The following CNTNAP2 variants were observed in gnomAD, a reference collection of about 807,000 sequenced individuals.
The protein encoded by CNTNAP2 is contactin-associated protein-like 2.
CNTNAP2 carries 98 observed loss-of-function variants against 155.2 expected under a neutral mutation model. The ratio of observed to expected loss-of-function variants is 0.63; its 90% confidence interval spans 0.54 to 0.75. The LOEUF is 0.75. Ranked by LOEUF, CNTNAP2 falls within the 30% of genes least tolerant of loss-of-function variation. The pLI, the probability that CNTNAP2 is intolerant of heterozygous loss-of-function variation, is 0.00. For synonymous variants in CNTNAP2, 651 were observed against 631.2 expected, an observed-to-expected ratio of 1.03 and a Z score of -0.47; for missense variants, 1,727 against 1,688.1, an observed-to-expected ratio of 1.02 and a Z score of -0.40.
chr7:147,243,246 C>T (rs187735863), intron 8 of CNTNAP2, among the ~76,000 whole-genome samples: 404 of 151,984 alleles, frequency 2.7e-3, no homozygotes, highest in African/African-American at 9.1e-3. Context: ...TCCACCTGCC[C>T]TGGACTCCCA....
chr7:146,911,765 C>T (rs1385402469), intron 3 of CNTNAP2, among the ~76,000 whole-genome samples: 1 of 151,672 alleles, frequency 6.6e-6, no homozygotes, highest in Non-Finnish European at 1.5e-5. Flanking sequence ...ATGTAACTAA[C>T]CTGCACAATG....
intron 1 of CNTNAP2, among the ~76,000 whole-genome samples, chr7:146,610,984 C>A (rs1307692169): frequency 6.6e-6 from 1 of 152,088 alleles, no homozygotes; most frequent in Non-Finnish European, 1.5e-5. Flanking sequence ...AAATTTAAAA[C>A]AAGCTAAAAG....
At chr7:146,215,519 C>A (rs142561449) in intron 1 of CNTNAP2, among the ~76,000 whole-genome samples, 1 of 151,936 alleles carries the variant, frequency 6.6e-6, no homozygotes, top group Non-Finnish European at 1.5e-5. Context: ...GACAAAATTG[C>A]CATTTTATGG....
intron 14 of CNTNAP2, among the ~76,000 whole-genome samples, chr7:147,949,458 A>ATATATATATATATATATATATTTT (rs1433579404): frequency 1.5e-5 from 2 of 137,388 alleles, no homozygotes; most frequent in Non-Finnish European, 3.1e-5. Flanking sequence ...ATATATATAT[A>ATATATATATATATATATATATTTT]TTTTTTTTTT....
chr7:147,364,588 C>A (rs973650590), intron 9 of CNTNAP2, among the ~76,000 whole-genome samples: 36 of 152,220 alleles, frequency 2.4e-4, no homozygotes, highest in Admixed American at 1.3e-4. Context: ...TATTTCACTT[C>A]TTTAAGTTCT....
At chr7:147,282,311 A>T (rs960778244) in intron 8 of CNTNAP2, among the ~76,000 whole-genome samples, 4 of 151,938 alleles carry the variant, frequency 2.6e-5, no homozygotes, top group Admixed American at 6.6e-5. Flanking sequence ...ATGTATATTT[A>T]GTTTTTCAAA....
At chr7:148,214,821 G>A (rs1795608709) in intron 18 of CNTNAP2, among the ~76,000 whole-genome samples, 2 of 152,042 alleles carry the variant, frequency 1.3e-5, no homozygotes, top group South Asian at 2.1e-4. Flanking sequence ...CGCCAGCCTC[G>A]ACCTACCAAA....
intron 20 of CNTNAP2, among the ~76,000 whole-genome samples, chr7:148,265,712 T>A (rs1796657289): frequency 6.6e-6 from 1 of 152,248 alleles, no homozygotes; most frequent in South Asian, 2.1e-4. Context: ...CACAAAAACC[T>A]ACTGTACCAG....
intron 1 of CNTNAP2, among the ~76,000 whole-genome samples, chr7:146,368,443 T>C (rs1440950891): frequency 6.6e-6 from 1 of 152,136 alleles, no homozygotes; most frequent in East Asian, 1.9e-4. Context: ...TGGTATGGTA[T>C]GGTTTGGTAC....
chr7:148,048,175 C>A lies in CNTNAP2; in HGVS notation c.2384-69943C>A, dbSNP rs188818081. Among the ~76,000 whole-genome samples, 1,351 of 151,748 alleles carry A rather than the reference C, an allele frequency of 8.9e-3. 23 individuals carry two copies. The highest frequency in any genetic ancestry group is 0.03 in the African/African-American group (1,247 of 41,366). ...TCCTGACCTCGTGATCCGCCCGCCT[C>A]GGCCTCCCAAAGTGCTGGGATTACA... On this transcript the variant is annotated intron_variant, in intron 15 of 23. Transcript: ENST00000361727.
At chr7:147,653,579 G>C (rs541460092) in intron 13 of CNTNAP2, among the ~76,000 whole-genome samples, 3 of 152,282 alleles carry the variant, frequency 2.0e-5, no homozygotes, top group Non-Finnish European at 4.4e-5. Context: ...GTAAGTAGGA[G>C]GGAGAGCAGA....
At chr7:147,276,841 C>A (rs1040059768) in intron 8 of CNTNAP2, among the ~76,000 whole-genome samples, 13 of 150,512 alleles carry the variant, frequency 8.6e-5, no homozygotes, top group African/African-American at 2.2e-4. Context: ...AAAAAAAAAA[C>A]TGCAAATGAA....
At position 148,379,347 on chromosome 7, in the gene CNTNAP2, A is replaced by G. The variant is rs189537484; in HGVS notation, c.3476-4302A>G. Reference sequence around the variant, plus strand: ...ATCCCATGGAATACACAAGAAGAAGATATAGGTGCATTTAAATAATCTCAA... The same window carrying G: ...ATCCCATGGAATACACAAGAAGAAGGTATAGGTGCATTTAAATAATCTCAA... On this transcript the variant is annotated intron_variant, in intron 21 of 23. Coordinates refer to ENST00000361727, the MANE Select transcript of CNTNAP2 (RefSeq NM_014141.6). Among the ~76,000 whole-genome samples, 499 of 152,282 alleles carry G rather than the reference A, an allele frequency of 3.3e-3. 3 individuals carry two copies. Among genetic ancestry groups the G allele is most frequent in the Admixed American group, 5.3e-3 (81 of 15,296 alleles).
intron 2 of CNTNAP2, among the ~76,000 whole-genome samples, chr7:146,805,599 G>T (rs1258870743): frequency 6.6e-6 from 1 of 152,110 alleles, no homozygotes; most frequent in East Asian, 1.9e-4. Context: ...GGGAGGGATG[G>T]ATGTTAATTT....
chr7:147,104,530 C>T (rs936592903), intron 4 of CNTNAP2, among the ~76,000 whole-genome samples: 2 of 151,154 alleles, frequency 1.3e-5, no homozygotes, highest in South Asian at 4.2e-4. Context: ...TTTCTTTAAA[C>T]CTTTTTGTTT....
intron 5 of CNTNAP2, among the ~76,000 whole-genome samples, chr7:147,116,040 AG>A (rs1800981099): frequency 3.3e-5 from 5 of 152,176 alleles, no homozygotes; most frequent in Admixed American, 3.3e-4. Context: ...TTCTTTTAAT[AG>A]CCCTGTAGAA....
chr7:148,122,644 G>A (rs962220023), intron 16 of CNTNAP2, among the ~76,000 whole-genome samples: 1 of 152,114 alleles, frequency 6.6e-6, no homozygotes, highest in Non-Finnish European at 1.5e-5. Context: ...TGGAGAGCCA[G>A]GGCGTAACTT....
At chr7:147,475,047 C>G (rs1424126655) in intron 10 of CNTNAP2, among the ~76,000 whole-genome samples, 1 of 152,170 alleles carries the variant, frequency 6.6e-6, no homozygotes, top group African/African-American at 2.4e-5. Flanking sequence ...GAGATTGTGT[C>G]TTATCAGTAC....
intron 20 of CNTNAP2, among the ~76,000 whole-genome samples, chr7:148,254,580 T>G (rs573064475): frequency 7.2e-5 from 11 of 151,994 alleles, no homozygotes; most frequent in Non-Finnish European, 1.5e-4. Context: ...ATCGAGACCA[T>G]CCTGGCTAAC....
Sources: gnomAD v4.1 joint callset for allele counts (sites outside exome capture counted in the v4.1 genomes callset) on GRCh38, gnomAD v4.1.1 for gene constraint, MANE v1.5 for transcripts, NCBI Gene and HGNC (gene_info 2026-07-23, HGNC 2026-07-21) for gene names.